INPP5A: variants seen among roughly 807,000 people sequenced by gnomAD.
INPP5A encodes 43 kDa inositol polyphosphate 5-phophatase.
INPP5A carries 14 observed loss-of-function variants against 65.2 expected under a neutral mutation model. The observed-to-expected ratio is 0.21, with a 90% confidence interval of 0.14 to 0.34. INPP5A has a LOEUF of 0.34. INPP5A is among the 10% of genes least tolerant of loss of function. INPP5A has a pLI of 1.00. For synonymous variants in INPP5A, 207 were observed against 208.3 expected (o/e 0.99, Z 0.05); for missense variants, 431 against 545.6 (o/e 0.79, Z 2.09).
chr10:132,645,137 G>A (rs192179516), intron 2 of INPP5A, among the ~76,000 whole-genome samples: 9 of 152,304 alleles, frequency 5.9e-5, no homozygotes, highest in South Asian at 2.1e-4. Flanking sequence ...GATTCAGCAC[G>A]CTGCAGCGGT....
chr10:132,679,627 G>A (rs2073016583), intron 4 of INPP5A, among the ~76,000 whole-genome samples: 1 of 152,194 alleles, frequency 6.6e-6, no homozygotes, highest in African/African-American at 2.4e-5. Context: ...AGGGTGGAGG[G>A]CGTGAGAAGG....
At chr10:132,562,218 G>T (rs938021596) in intron 1 of INPP5A, among the ~76,000 whole-genome samples, 1 of 152,244 alleles carries the variant, frequency 6.6e-6, no homozygotes, top group Non-Finnish European at 1.5e-5. Context: ...TGCCAGGCAT[G>T]ACCTCTGCAC....
chr10:132,539,856 G>A (rs1282191360), intron 1 of INPP5A, among the ~76,000 whole-genome samples: 1 of 152,246 alleles, frequency 6.6e-6, no homozygotes, highest in Non-Finnish European at 1.5e-5. Context: ...CACAGGCTAG[G>A]TTTGGTTTTT....
rs538749077 is a variant in INPP5A, at chr10:132,708,768, G to A, written c.527+403G>A. ...GTCCATCAGCAGACTGAGCACAGAC[G>A]TAGCGGAGCCTGCGTCTCATCCACA... On this transcript the variant is annotated intron_variant, in intron 7 of 15. Coordinates refer to ENST00000368594, the MANE Select transcript of INPP5A (RefSeq NM_005539.5). Among the ~76,000 whole-genome samples the A allele has an allele frequency of 1.8e-4, 28 of 152,342 alleles. 1 individual carries two copies. Among genetic ancestry groups the A allele is most frequent in the Admixed American group, 9.1e-4 (14 of 15,308 alleles).
chr10:132,716,275 C>T (rs1445055419), intron 8 of INPP5A, among the ~76,000 whole-genome samples: 4 of 152,262 alleles, frequency 2.6e-5, no homozygotes, highest in Admixed American at 2.6e-4. Flanking sequence ...GAATTCAGCA[C>T]CTGTCGCTCC....
chr10:132,622,256 A>G (rs1484717536), intron 2 of INPP5A, among the ~76,000 whole-genome samples: 7 of 152,206 alleles, frequency 4.6e-5, no homozygotes, highest in South Asian at 2.1e-4. Flanking sequence ...GAAATATACC[A>G]TGTTCATGGA....
chr10:132,588,235 C>T (rs2071572310), intron 1 of INPP5A, among the ~76,000 whole-genome samples: 1 of 152,172 alleles, frequency 6.6e-6, no homozygotes, highest in African/African-American at 2.4e-5. Context: ...GTATCTGTTC[C>T]TCTGTGTCCC....
chr10:132,651,688 A>T lies in INPP5A; in HGVS notation c.306+1183A>T, dbSNP rs1646217954. The stretch of plus-strand genomic sequence containing the variant: ...TGCAGTGCTGAGGGTCTCGCTCTCC[A>T]GTGCCCCCCTGCCCTGCAGGTGGGA... On this transcript the variant is annotated intron_variant, in intron 4 of 15. Transcript: ENST00000368594. This position sits in a 1 kb window ranked among gnomAD's most constrained non-coding sequence, Gnocchi z 5.0. 6.6e-6 allele frequency among the ~76,000 whole-genome samples: 1 copy of T among 152,138 alleles called. No individual in the cohort carries two copies. Among genetic ancestry groups the T allele is most frequent in the Non-Finnish European group, 1.5e-5 (1 of 68,026 alleles).
At chr10:132,582,279 A>G (rs536148168) in intron 1 of INPP5A, among the ~76,000 whole-genome samples, 2 of 152,182 alleles carry the variant, frequency 1.3e-5, no homozygotes, top group South Asian at 2.1e-4. Context: ...TTTAGAAGCT[A>G]TATGCTTTTA....
At chr10:132,747,548 GA>G (rs1846392853) in intron 9 of INPP5A, among the ~76,000 whole-genome samples, 1 of 152,362 alleles carries the variant, frequency 6.6e-6, no homozygotes, top group African/African-American at 2.4e-5. Flanking sequence ...CGCATGCCCG[GA>G]ACCTGCACAG....
chr10:132,781,738 TC>T, intron 14 of INPP5A, 122 bp from the exon 15 acceptor site: 2 of 810,990 alleles, frequency 2.5e-6, no homozygotes, highest in Non-Finnish European at 2.1e-6. Flanking sequence ...CATCAGCTCC[TC>T]CCAGCCCGGT....
At position 132,578,205 on chromosome 10, in the gene INPP5A, C is replaced by CT. The variant is rs939820490; in HGVS notation, c.76-29704dup. Among the ~76,000 whole-genome samples, 43 of 152,282 alleles carry CT rather than the reference C, an allele frequency of 2.8e-4. No homozygotes were observed. The Middle Eastern group carries it at 0.01, about 36-fold the overall frequency. On this transcript the variant is annotated intron_variant, in intron 1 of 15. Coordinates refer to ENST00000368594, the MANE Select transcript of INPP5A (RefSeq NM_005539.5). ...GACAGCAATAAAAATGAACCCTCTC[C>CT]TTTTTTGTGTCTGGTTTTAGCTCAG...
chr10:132,645,746 G>T, intron 2 of INPP5A, 122 bp from the exon 3 acceptor site: 1 of 689,312 alleles, frequency 1.5e-6, no homozygotes, highest in South Asian at 1.8e-5. Context: ...TCGCAGACAT[G>T]GGGCCCCGTC....
chr10:132,749,857 G>C lies in INPP5A; in HGVS notation c.903+12G>C, dbSNP rs775916002. ...ACAACGGCACCGCGGTGAGTTTGTG[G>C]TCCAATGTGGCAGCTCCCCCGTCCT... On this transcript the variant is annotated intron_variant, in intron 11 of 15. Coordinates refer to ENST00000368594, the MANE Select transcript of INPP5A (RefSeq NM_005539.5). The C allele has an allele frequency of 6.2e-7, 1 of 1,611,812 alleles. No homozygotes were observed. Among genetic ancestry groups the C allele is most frequent in the African/African-American group, 1.3e-5 (1 of 75,036 alleles).
At chr10:132,611,041 G>C (rs1184824778) in intron 2 of INPP5A, among the ~76,000 whole-genome samples, 1 of 150,566 alleles carries the variant, frequency 6.6e-6, no homozygotes, top group Non-Finnish European at 1.5e-5. Flanking sequence ...GGCCCTGTCA[G>C]AGGAGGATGA....
At chr10:132,599,499 G>A (rs1426050971) in intron 1 of INPP5A, among the ~76,000 whole-genome samples, 3 of 152,162 alleles carry the variant, frequency 2.0e-5, no homozygotes, top group East Asian at 3.9e-4. Context: ...CCTCCCTCTC[G>A]GCTGCTTTCA....
intron 1 of INPP5A, among the ~76,000 whole-genome samples, chr10:132,570,917 A>C (rs2071333279): frequency 6.6e-6 from 1 of 152,202 alleles, no homozygotes; most frequent in Non-Finnish European, 1.5e-5. Context: ...TCTCATCGGC[A>C]CAGCGGCGCA....
intron 7 of INPP5A, chr10:132,708,603 T>C: frequency 4.7e-6 from 3 of 638,352 alleles, no homozygotes; most frequent in Non-Finnish European, 8.9e-6. Flanking sequence ...GGAGACACAG[T>C]GACGGCCCCA....
chr10:132,632,679 C>T (rs1317589608), intron 2 of INPP5A, among the ~76,000 whole-genome samples: 1 of 152,232 alleles, frequency 6.6e-6, no homozygotes, highest in Non-Finnish European at 1.5e-5. Context: ...GTGTGAAATG[C>T]AGCCATTATT....
Sources: gnomAD v4.1 joint callset for allele counts (sites outside exome capture counted in the v4.1 genomes callset) on GRCh38, gnomAD v4.1.1 for gene constraint, Gnocchi (gnomAD v3.1) non-coding constraint, MANE v1.5 for transcripts, NCBI Gene and HGNC (gene_info 2026-07-23, HGNC 2026-07-21) for gene names.